Variants in PLCB1 observed in about 807,000 individuals in gnomAD.
The protein encoded by PLCB1 is phospholipase C beta 1, also known as 1-phosphatidylinositol 4,5-bisphosphate phosphodiesterase beta-1.
Under a neutral mutation model 161.8 loss-of-function variants are expected in PLCB1, and 46 were observed. The observed-to-expected ratio is 0.28, with a 90% CI of 0.22 to 0.36. The LOEUF is 0.36. PLCB1 is among the 10% of genes least tolerant of loss of function. The pLI, the probability that PLCB1 is intolerant of heterozygous loss-of-function variation, is 1.00. For synonymous variants in PLCB1, 517 were observed against 503.7 expected (o/e 1.03, Z -0.35); for missense variants, 1,016 against 1,472.5 (o/e 0.69, Z 5.07).
intron 2 of PLCB1, among the ~76,000 whole-genome samples, chr20:8,274,171 A>G (rs1289736733): frequency 2.6e-5 from 4 of 152,144 alleles, no homozygotes; most frequent in Non-Finnish European, 5.9e-5. Context: ...TTTGCACCAC[A>G]CACACACATT....
At chr20:8,643,454 G>A (rs6108165) in intron 4 of PLCB1, among the ~76,000 whole-genome samples, 44,267 of 151,806 alleles carry the variant, frequency 0.29, 7,417 homozygotes, top group African/African-American at 0.45. Context: ...TTCTCTGCTC[G>A]GGATTCCCTC....
intron 2 of PLCB1, among the ~76,000 whole-genome samples, chr20:8,151,910 C>T (rs1033787375): frequency 2.0e-5 from 3 of 152,094 alleles, no homozygotes; most frequent in Admixed American, 6.5e-5. Context: ...GACCAATCAT[C>T]AATATTTATT....
chr20:8,218,864 A>G (rs1979268353), intron 2 of PLCB1, among the ~76,000 whole-genome samples: 1 of 152,124 alleles, frequency 6.6e-6, no homozygotes, highest in South Asian at 2.1e-4. Flanking sequence ...CAAAAAAGGC[A>G]TTTTAAAATG....
chr20:8,701,539 T>G (rs1052288503), intron 11 of PLCB1, among the ~76,000 whole-genome samples: 3 of 152,214 alleles, frequency 2.0e-5, no homozygotes, highest in African/African-American at 7.2e-5. Context: ...TTTTTAGTAA[T>G]GTATTTTCCT....
chr20:8,495,181 T>A (rs1983109130), intron 3 of PLCB1, among the ~76,000 whole-genome samples: 2 of 151,920 alleles, frequency 1.3e-5, no homozygotes, highest in South Asian at 4.2e-4. Flanking sequence ...TGTCACTAAA[T>A]GAAGTTATAT....
At chr20:8,819,627 T>C (rs1346226166) in intron 31 of PLCB1, among the ~76,000 whole-genome samples, 1 of 152,128 alleles carries the variant, frequency 6.6e-6, no homozygotes, top group Non-Finnish European at 1.5e-5. Flanking sequence ...ACATCATCCT[T>C]TGCTAACCAT....
chr20:8,341,050 G>GT (rs1041978957), intron 2 of PLCB1, among the ~76,000 whole-genome samples: 9 of 152,108 alleles, frequency 5.9e-5, no homozygotes, highest in African/African-American at 1.9e-4. Flanking sequence ...TCATGCTTGG[G>GT]TATCACAAGC....
intron 31 of PLCB1, among the ~76,000 whole-genome samples, chr20:8,846,576 G>A (rs963803099): frequency 6.6e-6 from 1 of 152,150 alleles, no homozygotes; most frequent in Admixed American, 6.5e-5. Context: ...TCATGCTAAT[G>A]TTACTGGTCC....
rs529529345 is a variant in PLCB1, at chr20:8,449,765, T to A, written c.246+78315T>A. On this transcript the variant is annotated intron_variant, in intron 3 of 31. Transcript: ENST00000338037. ...GTCTATGCTCCTCATTTCTGCATCC[T>A]AGGATCAGCTCCCAAATAAACTTCC... Among the ~76,000 whole-genome samples, 4 of 152,284 alleles carry A rather than the reference T, an allele frequency of 2.6e-5. No homozygotes were observed. In the East Asian group the frequency reaches 7.7e-4, roughly 29 times the overall value.
chr20:8,182,099 C>T (rs2051849870), intron 2 of PLCB1, among the ~76,000 whole-genome samples: 1 of 152,212 alleles, frequency 6.6e-6, no homozygotes, highest in African/African-American at 2.4e-5. Context: ...ATAGCGTTCA[C>T]AGGAATTAGT....
At chr20:8,510,638 G>A (rs570582558) in intron 3 of PLCB1, among the ~76,000 whole-genome samples, 1 of 151,904 alleles carries the variant, frequency 6.6e-6, no homozygotes, top group African/African-American at 2.4e-5. Context: ...TGATCCGCCC[G>A]CCTCGGCCTC....
In PLCB1 at chr20:8,836,729, C is replaced by G. The variant is rs568695457; in HGVS notation, c.3424-44893C>G. On this transcript the variant is annotated intron_variant, in intron 31 of 31. Coordinates refer to ENST00000338037, the MANE Select transcript of PLCB1 (RefSeq NM_015192.4). Reference sequence around the variant, plus strand: ...GATTTTGGTGACTGTGTATATGATGCTTTTGAACATGATTGGCAAAGTAAC... The same window carrying G: ...GATTTTGGTGACTGTGTATATGATGGTTTTGAACATGATTGGCAAAGTAAC... Among the ~76,000 whole-genome samples the G allele has an allele frequency of 2.0e-5, 3 of 152,268 alleles. No homozygotes were observed. The East Asian group carries it at 5.8e-4, about 29-fold the overall frequency.
At chr20:8,648,729 C>T (rs1989232335) in intron 6 of PLCB1, among the ~76,000 whole-genome samples, 2 of 151,998 alleles carry the variant, frequency 1.3e-5, no homozygotes, top group African/African-American at 4.8e-5. Context: ...TGCTTAAGGC[C>T]AGGATTTTGA....
chr20:8,363,669 C>T (rs188566338), intron 2 of PLCB1, among the ~76,000 whole-genome samples: 16 of 152,160 alleles, frequency 1.1e-4, no homozygotes, highest in Admixed American at 8.5e-4. Flanking sequence ...AGCTGCAGGT[C>T]CCTCTCACAC....
At chr20:8,275,494 G>C (rs1270238156) in intron 2 of PLCB1, among the ~76,000 whole-genome samples, 1 of 152,160 alleles carries the variant, frequency 6.6e-6, no homozygotes, top group East Asian at 1.9e-4. Context: ...TTCTCAGTAA[G>C]TTTGGACTCA....
intron 2 of PLCB1, among the ~76,000 whole-genome samples, chr20:8,342,047 A>G (rs187784268): frequency 4.6e-5 from 7 of 152,192 alleles, no homozygotes; most frequent in African/African-American, 1.7e-4. Flanking sequence ...AGGGGCACAA[A>G]GAGAGATTTG....
rs1216338206 is a variant in PLCB1 at position 8,368,528 on chromosome 20, C to CAAA, written c.178-2834_178-2832dup. Among the ~76,000 whole-genome samples, 297 of 63,686 alleles carry CAAA rather than the reference C, an allele frequency of 4.7e-3. 2 individuals carry two copies. The highest frequency in any genetic ancestry group is 0.011 in the African/African-American group (176 of 16,656). The allele number at this position is 63,686 out of a possible 152,430, so 41.8% of individuals were successfully genotyped here. On this transcript the variant is annotated intron_variant, in intron 2 of 31. Transcript: ENST00000338037. ...GGTGATGGAGTGAGACTCTGTCTCTCAAAAAAAAAAAAAAAAAAAAAAGAA... is the reference window on the plus strand; with the variant it reads ...GGTGATGGAGTGAGACTCTGTCTCTCAAAAAAAAAAAAAAAAAAAAAAAAAGAA...
At chr20:8,375,601 G>A (rs1460436442) in intron 3 of PLCB1, among the ~76,000 whole-genome samples, 1 of 152,096 alleles carries the variant, frequency 6.6e-6, no homozygotes, top group East Asian at 1.9e-4. Context: ...AAAGGATGCT[G>A]AACAAGATCA....
intron 26 of PLCB1, among the ~76,000 whole-genome samples, chr20:8,766,840 C>A (rs1982341775): frequency 6.6e-6 from 1 of 151,954 alleles, no homozygotes; most frequent in African/African-American, 2.4e-5. Context: ...GTTCCATGGA[C>A]AACACTCTGA....
Sources: gnomAD v4.1 joint callset for allele counts (sites outside exome capture counted in the v4.1 genomes callset) on GRCh38, gnomAD v4.1.1 for gene constraint, MANE v1.5 for transcripts, NCBI Gene and HGNC (gene_info 2026-07-23, HGNC 2026-07-21) for gene names.